PCDH15: variants seen among roughly 807,000 people sequenced by gnomAD.
PCDH15 encodes protocadherin-15.
In PCDH15, 129 loss-of-function variants were observed where a neutral mutation model predicts 178.5. That is an observed-to-expected ratio of 0.72 (90% CI 0.63 to 0.84). The LOEUF is 0.84. PCDH15 is among the 40% of genes least tolerant of loss of function. The pLI is 0.00. For synonymous variants in PCDH15, 800 were observed against 732.0 expected (o/e 1.09, Z -1.50); for missense variants, 2,230 against 2,099.9 (o/e 1.06, Z -1.21).
chr10:54,405,658 A>G (rs2075026647), intron 3 of PCDH15, among the ~76,000 whole-genome samples: 1 of 151,872 alleles, frequency 6.6e-6, no homozygotes, highest in African/African-American at 2.4e-5. Context: ...TACATAACAA[A>G]CATGGACATG....
intron 18 of PCDH15, among the ~76,000 whole-genome samples, chr10:54,031,518 A>G (rs549274305): frequency 6.6e-6 from 1 of 151,710 alleles, no homozygotes; most frequent in East Asian, 1.9e-4. Context: ...TGAGAAGTGG[A>G]AAGTTGGAGC....
chr10:54,979,328 C>A (rs1317709751), intron 2 of PCDH15, among the ~76,000 whole-genome samples: 1 of 152,040 alleles, frequency 6.6e-6, no homozygotes. Flanking sequence ...TGAAAAGAAG[C>A]TGGACTTGTT....
chr10:55,457,298 A>C (rs1839575250), intron 2 of PCDH15, among the ~76,000 whole-genome samples: 1 of 152,066 alleles, frequency 6.6e-6, no homozygotes, highest in Admixed American at 6.6e-5. Flanking sequence ...AAATTCAATA[A>C]TCTTTGTTGA....
intron 1 of PCDH15, among the ~76,000 whole-genome samples, chr10:54,703,492 C>A (rs939049085): frequency 1.3e-5 from 2 of 151,966 alleles, no homozygotes; most frequent in Non-Finnish European, 2.9e-5. Flanking sequence ...ATAGTCTCTG[C>A]CCAAAAGCAC....
chr10:55,072,997 C>A (rs953056887), intron 2 of PCDH15, among the ~76,000 whole-genome samples: 4 of 152,056 alleles, frequency 2.6e-5, no homozygotes, highest in African/African-American at 7.2e-5. Flanking sequence ...AAGACAAAAA[C>A]CACATGATTA....
intron 20 of PCDH15, among the ~76,000 whole-genome samples, chr10:54,017,971 C>A (rs1181856721): frequency 6.6e-6 from 1 of 152,032 alleles, no homozygotes; most frequent in East Asian, 1.9e-4. Flanking sequence ...TTGGTGAAAT[C>A]TTTTTTCACA....
At chr10:53,958,654 T>G (rs2087882149) in intron 23 of PCDH15, among the ~76,000 whole-genome samples, 1 of 152,006 alleles carries the variant, frequency 6.6e-6, no homozygotes, top group South Asian at 2.1e-4. Context: ...GTCTTAAACT[T>G]GGATTGTCAG....
chr10:55,434,133 T>G (rs1477529893), intron 2 of PCDH15, among the ~76,000 whole-genome samples: 1 of 125,636 alleles, frequency 8.0e-6, no homozygotes, highest in East Asian at 2.7e-4. Context: ...CAGGCTGGAG[T>G]GCAGTGGCGC....
At chr10:55,554,043 A>G (rs1479898345) in intron 2 of PCDH15, among the ~76,000 whole-genome samples, 4 of 152,078 alleles carry the variant, frequency 2.6e-5, no homozygotes, top group Admixed American at 6.6e-5. Context: ...ACTCAGGAAA[A>G]TGTTTATGTC....
intron 2 of PCDH15, among the ~76,000 whole-genome samples, chr10:55,402,849 T>C (rs1368125667): frequency 6.6e-6 from 1 of 152,028 alleles, no homozygotes; most frequent in Non-Finnish European, 1.5e-5. Flanking sequence ...AGTAGTGTGA[T>C]TGCTGAATCA....
chr10:55,464,129 C>A (rs1483242140), intron 2 of PCDH15, among the ~76,000 whole-genome samples: 1 of 151,694 alleles, frequency 6.6e-6, no homozygotes, highest in South Asian at 2.1e-4. Flanking sequence ...CTCTCCCTAC[C>A]GGGAGTCGGA....
intron 1 of PCDH15, among the ~76,000 whole-genome samples, chr10:54,785,346 C>G (rs1015751803): frequency 2.6e-5 from 4 of 151,858 alleles, no homozygotes; most frequent in Non-Finnish European, 4.4e-5. Flanking sequence ...ATGTATTTTG[C>G]TTTTCTTTCA....
At chr10:54,167,058 G>A (rs559566459) in intron 13 of PCDH15, among the ~76,000 whole-genome samples, 1,946 of 152,224 alleles carry the variant, frequency 0.013, 37 homozygotes, top group African/African-American at 0.045. Flanking sequence ...GCCTGCACCT[G>A]GGTGAAATAA....
intron 18 of PCDH15, among the ~76,000 whole-genome samples, chr10:54,030,406 C>G (rs2135413345): frequency 6.9e-6 from 1 of 144,084 alleles, no homozygotes; most frequent in Middle Eastern, 4.0e-3. Flanking sequence ...TGAGCTATTT[C>G]AAGGGCTGTG....
At chr10:54,140,952 G>A (rs903377177) in intron 14 of PCDH15, among the ~76,000 whole-genome samples, 2 of 152,040 alleles carry the variant, frequency 1.3e-5, no homozygotes, top group Non-Finnish European at 2.9e-5. Flanking sequence ...CAACTGTTGG[G>A]ATTACAGGCA....
At position 54,458,293 on chromosome 10, in the gene PCDH15, G is replaced by A. The variant is rs928952029; in HGVS notation, c.157+69519C>T. Among the ~76,000 whole-genome samples the A allele has an allele frequency of 3.4e-5, 5 of 148,816 alleles. 1 individual carries two copies. The highest frequency in any genetic ancestry group is 7.8e-5 in the African/African-American group (3 of 38,312). The stretch of plus-strand genomic sequence containing the variant: ...TTTATTCACACTACCGTAAGAATTA[G>A]TATCTTAAAAATTTTCCAATATGTG... On this transcript the variant is annotated intron_variant, in intron 3 of 37. Coordinates refer to ENST00000644397, the MANE Select transcript of PCDH15 (RefSeq NM_001384140.1).
At chr10:54,576,907 C>T (rs575881001) in intron 2 of PCDH15, among the ~76,000 whole-genome samples, 6 of 151,616 alleles carry the variant, frequency 4.0e-5, no homozygotes, top group Admixed American at 3.3e-4. Flanking sequence ...TTGGTAGTTC[C>T]GCTCTTGAGG....
intron 2 of PCDH15, among the ~76,000 whole-genome samples, chr10:54,590,271 C>T (rs1033929856): frequency 1.3e-5 from 2 of 152,132 alleles, no homozygotes; most frequent in African/African-American, 4.8e-5. Context: ...AACTGATTTG[C>T]TCAAAGTCAT....
chr10:55,146,281 T>G (rs1360635589), intron 2 of PCDH15, among the ~76,000 whole-genome samples: 1 of 151,988 alleles, frequency 6.6e-6, no homozygotes, highest in Non-Finnish European at 1.5e-5. Flanking sequence ...TGAAAACTAC[T>G]GTTTTTGACT....
Sources: allele counts gnomAD v4.1 joint callset (sites outside exome capture counted in the v4.1 genomes callset), GRCh38; gene constraint gnomAD v4.1.1; transcripts MANE v1.5; gene names NCBI Gene and HGNC (gene_info 2026-07-23, HGNC 2026-07-21).